SCP2: variants seen among roughly 807,000 people sequenced by gnomAD.
The protein encoded by SCP2 is sterol carrier protein 2.
SCP2 carries 48 observed loss-of-function variants against 71.4 expected under a neutral mutation model. That is an observed-to-expected ratio of 0.67 (90% CI 0.53 to 0.86). The LOEUF is 0.86. Ranked by LOEUF, SCP2 falls within the 40% of genes least tolerant of loss-of-function variation. SCP2 has a pLI of 0.00. For missense variants in SCP2, 560 were observed against 655.6 expected (o/e 0.85, Z 1.59); for synonymous variants, 220 against 218.1 (o/e 1.01, Z -0.08).
At chr1:53,038,100 T>G (rs1300114019) in intron 13 of SCP2, among the ~76,000 whole-genome samples, 5 of 151,562 alleles carry the variant, frequency 3.3e-5, no homozygotes, top group African/African-American at 1.2e-4. Context: ...GAGCCCTGAT[T>G]GTGCCACTGC....
In SCP2 at chr1:53,028,217, T is replaced by G. The variant is rs560234036; in HGVS notation, c.1338+146T>G. On this transcript the variant is annotated intron_variant, in intron 13 of 15. Coordinates refer to ENST00000371514, the MANE Select transcript of SCP2 (RefSeq NM_002979.5). ...GTGTAGTTAGATTTCTGAGTGTCTA[T>G]TAAGGCTTCCTTGTAATTCTAAAAG... 4 of 619,266 alleles carry G rather than the reference T, an allele frequency of 6.5e-6. No homozygotes were observed. In the South Asian group the frequency reaches 6.8e-5, roughly 10 times the overall value. 38.4% of individuals were successfully genotyped at this position (619,266 alleles called of 1,614,324 possible). A position where few individuals can be genotyped will look rare whatever the true frequency, so the allele number is the denominator to read the frequency against.
Position 52,927,483 on chromosome 1 carries a change from C to G in SCP2, c.69+18C>G, listed in dbSNP as rs773753117. On this transcript the variant is annotated intron_variant, in intron 1 of 15. Coordinates refer to ENST00000371514, the MANE Select transcript of SCP2 (RefSeq NM_002979.5). ...TGACCAAGGTAAACCGAGCAGCGGC[C>G]CTGCTGGCCCTCTGAGGCTCGGGGG... 1.3e-5 allele frequency: 21 copies of G among 1,579,424 alleles called. No homozygotes were observed. The Admixed American group carries it at 3.8e-4, about 29-fold the overall frequency.
In SCP2 at chr1:53,038,992, G is replaced by A. The variant is rs1162746159; in HGVS notation, c.1414G>A (p.Ala472Thr). The A allele has an allele frequency of 1.2e-6, 2 of 1,614,100 alleles. No individual in the cohort carries two copies. The highest frequency in any genetic ancestry group is 2.2e-5 in the South Asian group (2 of 91,082). The change falls in exon 14 of 16, where the codon GCC (alanine) becomes ACC (threonine). Residue 472 changes from alanine (A) to threonine (T), a missense_variant. Physicochemically the swap from Ala to Thr is moderately conservative, Grantham distance 58 (BLOSUM62 0). This residue lies in a region of SCP2 where 513 missense variants were observed against 573.1 expected (regional missense o/e 0.90). Coordinates refer to ENST00000371514, the MANE Select transcript of SCP2 (RefSeq NM_002979.5). ...KVKDGPGGKEATWVVDVKNGK... is the reference protein window; with the variant it reads ...KVKDGPGGKETTWVVDVKNGK... Reference sequence around the variant, plus strand: ...GAAAGATGGCCCTGGGGGTAAAGAGGCCACCTGGGTGGTGGATGTGAAGAA... The same window carrying A: ...GAAAGATGGCCCTGGGGGTAAAGAGACCACCTGGGTGGTGGATGTGAAGAA...
chr1:53,048,310 C>T (rs2896792), intron 15 of SCP2: 39,427 of 309,698 alleles, frequency 0.13, 6,389 homozygotes, highest in African/African-American at 0.49. Context: ...AGTACCCAGG[C>T]GGAAAGTAGG....
At chr1:52,957,607 T>C (rs577593613) in intron 5 of SCP2, among the ~76,000 whole-genome samples, 10 of 152,386 alleles carry the variant, frequency 6.6e-5, no homozygotes, top group Admixed American at 6.5e-4. Flanking sequence ...CATATTGATA[T>C]ACAGTGAGCC....
rs1343628814 is a variant in SCP2 at position 53,051,473 on chromosome 1, T to A, written c.*769T>A. On this transcript the variant is annotated 3_prime_UTR_variant, in exon 16 of 16. Transcript: ENST00000371514. ...TTTGTTATAATTTTCCTTTTTCATG[T>A]AAGTTTAATTATCTGCATTTATCTT... The A allele has an allele frequency of 9.2e-5, 14 of 152,244 alleles. No individual in the cohort carries two copies. The allele number at this position is 152,244 out of a possible 1,614,324, so 9.4% of individuals were successfully genotyped here.
chr1:53,048,291 C>G (rs1411621105), intron 15 of SCP2: 1 of 335,818 alleles, frequency 3.0e-6, no homozygotes, highest in African/African-American at 2.1e-5. Context: ...GGAAGCAGCT[C>G]TTGAGCTTAG....
At chr1:53,003,597 GCA>G (rs147499988) in intron 11 of SCP2, among the ~76,000 whole-genome samples, 11 of 152,262 alleles carry the variant, frequency 7.2e-5, no homozygotes, top group African/African-American at 1.9e-4. Context: ...CATGCTTACT[GCA>G]GTCTCTACTT....
At chr1:52,942,331 G>A (rs1423506647) in intron 2 of SCP2, among the ~76,000 whole-genome samples, 1 of 152,170 alleles carries the variant, frequency 6.6e-6, no homozygotes, top group East Asian at 1.9e-4. Context: ...GATGCAGTTT[G>A]TTACTGTTTA....
intron 11 of SCP2, among the ~76,000 whole-genome samples, chr1:53,014,272 A>G (rs142959230): frequency 6.6e-6 from 1 of 152,092 alleles, no homozygotes. Context: ...ACAAATATAC[A>G]TCTGGAGTCA....
chr1:53,033,564 C>T (rs1324238212), intron 13 of SCP2, among the ~76,000 whole-genome samples: 1 of 143,276 alleles, frequency 7.0e-6, no homozygotes, highest in Non-Finnish European at 1.5e-5. Context: ...GAGATTGCAC[C>T]ACAGCACTCC....
intron 11 of SCP2, among the ~76,000 whole-genome samples, chr1:53,014,035 AGAG>A (rs1661163734): frequency 6.7e-6 from 1 of 150,306 alleles, no homozygotes; most frequent in African/African-American, 2.4e-5. Flanking sequence ...AGCTGGGACT[AGAG>A]GCGCCTGCCA....
At chr1:52,991,916 A>G (rs1659543044) in intron 11 of SCP2, among the ~76,000 whole-genome samples, 1 of 152,192 alleles carries the variant, frequency 6.6e-6, no homozygotes, top group Non-Finnish European at 1.5e-5. Context: ...AAAATCAGGA[A>G]CATACTATTG....
intron 12 of SCP2, among the ~76,000 whole-genome samples, chr1:53,025,005 A>G (rs1171741612): frequency 2.0e-5 from 3 of 151,990 alleles, no homozygotes; most frequent in African/African-American, 7.3e-5. Flanking sequence ...TTACTGTTCC[A>G]CTAAGACTAA....
At chr1:53,029,888 A>AC (rs113166627) in intron 13 of SCP2, among the ~76,000 whole-genome samples, 12,501 of 144,248 alleles carry the variant, frequency 0.087, 932 homozygotes, top group Admixed American at 0.2. Context: ...CTAAATCTTT[A>AC]CCCCCTGTTT....
At chr1:52,974,144 A>G (rs572356036) in intron 6 of SCP2, among the ~76,000 whole-genome samples, 1 of 152,300 alleles carries the variant, frequency 6.6e-6, no homozygotes, top group Admixed American at 6.5e-5. Flanking sequence ...ACAGCACCAA[A>G]TGAGAATTCA....
At chr1:52,951,221 G>T (rs1323969709) in intron 4 of SCP2, among the ~76,000 whole-genome samples, 1 of 151,938 alleles carries the variant, frequency 6.6e-6, no homozygotes, top group Non-Finnish European at 1.5e-5. Flanking sequence ...GACAGAGATT[G>T]CAGTGAGCCT....
chr1:52,970,473 C>G (rs2150156475), intron 6 of SCP2, among the ~76,000 whole-genome samples: 1 of 152,244 alleles, frequency 6.6e-6, no homozygotes, highest in South Asian at 2.1e-4. Context: ...TACAAATGTC[C>G]TCTTATGCTG....
intron 2 of SCP2, chr1:52,943,956 C>T (rs892177960): frequency 1.1e-4 from 31 of 293,282 alleles, no homozygotes; most frequent in African/African-American, 4.1e-4. Context: ...CTTACTTACC[C>T]TCCTTCTTTG....
Sources: allele counts gnomAD v4.1 joint callset (sites outside exome capture counted in the v4.1 genomes callset), GRCh38; gene constraint gnomAD v4.1.1; regional missense constraint gnomAD v4.1.1; transcripts MANE v1.5; gene names NCBI Gene and HGNC (gene_info 2026-07-23, HGNC 2026-07-21).